Variants in NBPF3 observed in about 807,000 individuals in gnomAD.
The protein encoded by NBPF3 is NBPF member 3, also known as NBPF family member NBPF3.
NBPF3 carries 57 observed loss-of-function variants against 78.1 expected under a neutral mutation model. That is an observed-to-expected ratio of 0.73 (90% confidence interval 0.59 to 0.91). The LOEUF (loss-of-function observed/expected upper bound fraction) is 0.91, where lower values mean the gene tolerates loss of function less well. Among genes scored for constraint, NBPF3 ranks in the 40% least tolerant of loss-of-function variants. The pLI is 0.00. For missense variants in NBPF3, 510 were observed against 715.3 expected (o/e 0.71, Z 3.27); for synonymous variants, 182 against 271.7 (o/e 0.67, Z 3.25).
At chr1:21,480,554 A>T (rs1643158837) in intron 11 of NBPF3, among the ~76,000 whole-genome samples, 1 of 151,636 alleles carries the variant, frequency 6.6e-6, no homozygotes, top group Non-Finnish European at 1.5e-5. Context: ...TTCAAATTTC[A>T]GTGTCTTGCA....
chr1:21,442,586 T>C (rs1300246049), intron 1 of NBPF3, among the ~76,000 whole-genome samples: 3 of 152,194 alleles, frequency 2.0e-5, no homozygotes, highest in Non-Finnish European at 2.9e-5. Context: ...TTTCATGTCA[T>C]CTTTAAGAAA....
At chr1:21,478,909 A>G (rs2148012150) in intron 9 of NBPF3, among the ~76,000 whole-genome samples, 1 of 152,282 alleles carries the variant, frequency 6.6e-6, no homozygotes, top group East Asian at 1.9e-4. Context: ...TTCTGTGTAG[A>G]ACCAAGTGTC....
In NBPF3 at chr1:21,445,117, C is replaced by T. The variant is rs1219034912; in HGVS notation, c.31C>T (p.Gln11Ter). The change falls in exon 2 of 15, where the codon CAG (glutamine) becomes TAG (stop). Residue 11 changes from glutamine (Q) to a stop codon, truncating the protein, a stop_gained. Coordinates refer to ENST00000318249, the MANE Select transcript of NBPF3 (RefSeq NM_032264.6). LOFTEE classifies it high-confidence loss of function. ...ACTGACTCCCACTGTCCAGGGCTTC[C>T]AGTGGACTCTCCGAGGCCCTGATGT... MPLTPTVQGF[Q>*]WTLRGPDVET... The T allele has an allele frequency of 1.2e-6, 2 of 1,611,862 alleles. No homozygotes were observed.
At chr1:21,479,142 C>G (rs1558507120) in intron 9 of NBPF3, among the ~76,000 whole-genome samples, 1 of 152,252 alleles carries the variant, frequency 6.6e-6, no homozygotes, top group African/African-American at 2.4e-5. Flanking sequence ...CATTCCAAAA[C>G]AGGGGCATTT....
chr1:21,457,432 A>G (rs188117252), intron 2 of NBPF3, among the ~76,000 whole-genome samples: 3 of 151,634 alleles, frequency 2.0e-5, no homozygotes, highest in East Asian at 3.9e-4. Context: ...GTGTGTTTAT[A>G]TATGTCTAAT....
Position 21,476,372 on chromosome 1 carries a change from G to C in NBPF3, c.992+1421G>C, listed in dbSNP as rs1435950485. Reference sequence around the variant, plus strand: ...GATGCACTTTCTTCCTAGCATTGATGGTCTTTACAATTTGGCACGTTTTTG... The same window carrying C: ...GATGCACTTTCTTCCTAGCATTGATCGTCTTTACAATTTGGCACGTTTTTG... On this transcript the variant is annotated intron_variant, in intron 8 of 14. Transcript: ENST00000318249. This position sits in a 1 kb window ranked among gnomAD's most constrained non-coding sequence, Gnocchi z 4.1. Among the ~76,000 whole-genome samples, 1 of 152,170 alleles carries C rather than the reference G, an allele frequency of 6.6e-6. No homozygotes were observed. The highest frequency in any genetic ancestry group is 2.4e-5 in the African/African-American group (1 of 41,428).
Position 21,458,115 on chromosome 1 carries a change from G to A in NBPF3, c.134-10573G>A, listed in dbSNP as rs374279923. On this transcript the variant is annotated intron_variant, in intron 2 of 14. Coordinates refer to ENST00000318249, the MANE Select transcript of NBPF3 (RefSeq NM_032264.6). ...AATTCACTTAATCTAAATGGGTCTA[G>A]GTGCTGGGCACCCTTATCTTGTCTC... is the stretch of plus-strand genomic sequence containing the variant. Among the ~76,000 whole-genome samples the A allele has an allele frequency of 3.5e-4, 54 of 152,336 alleles. 1 individual carries two copies. The South Asian group carries it at 0.01, about 29-fold the overall frequency.
intron 1 of NBPF3, among the ~76,000 whole-genome samples, chr1:21,442,805 G>T (rs111366682): frequency 4.6e-5 from 7 of 152,162 alleles, no homozygotes; most frequent in Middle Eastern, 3.4e-3. Flanking sequence ...GCGACTATAG[G>T]CATGTGCCAC....
intron 1 of NBPF3, among the ~76,000 whole-genome samples, chr1:21,440,618 A>G (rs1393635552): frequency 6.6e-6 from 1 of 152,072 alleles, no homozygotes; most frequent in African/African-American, 2.4e-5. Flanking sequence ...GGAGGGACGG[A>G]GCAGCTTCGG....
At chr1:21,477,367 G>C (rs1230788670) in intron 8 of NBPF3, among the ~76,000 whole-genome samples, 1 of 152,210 alleles carries the variant, frequency 6.6e-6, no homozygotes, top group Admixed American at 6.5e-5. Flanking sequence ...CTGGTTTTTA[G>C]AATTTTCAGC....
chr1:21,457,199 T>C (rs1314722395), intron 2 of NBPF3, among the ~76,000 whole-genome samples: 1 of 151,968 alleles, frequency 6.6e-6, no homozygotes, highest in African/African-American at 2.4e-5. Context: ...TATGTATGTG[T>C]GTGGGTGGGT....
intron 2 of NBPF3, among the ~76,000 whole-genome samples, chr1:21,462,485 CAAAAATT>C (rs1642007442): frequency 6.6e-6 from 1 of 151,890 alleles, no homozygotes; most frequent in African/African-American, 2.4e-5. Context: ...AACAAACACT[CAAAAATT>C]GAAAATTGAT....
At chr1:21,450,603 C>A (rs911450961) in intron 2 of NBPF3, among the ~76,000 whole-genome samples, 2 of 152,154 alleles carry the variant, frequency 1.3e-5, no homozygotes, top group African/African-American at 4.8e-5. Context: ...CACTCACATT[C>A]CCCCAACTGC....
At chr1:21,449,458 C>CTTCATTTA (rs1641174038) in intron 2 of NBPF3, among the ~76,000 whole-genome samples, 1 of 150,422 alleles carries the variant, frequency 6.6e-6, no homozygotes. Flanking sequence ...AACGAACCAT[C>CTTCATTTA]TTTATTTATT....
At chr1:21,437,972 C>G (rs2147875022), upstream of NBPF3, among the ~76,000 whole-genome samples, 1 of 152,076 alleles carries the variant, frequency 6.6e-6, no homozygotes, top group East Asian at 1.9e-4. Context: ...CAGGCATGCA[C>G]CAACACCCCC....
chr1:21,483,096 T>G (rs753911242), intron 14 of NBPF3, 47 bp from the exon 15 acceptor site: 6 of 1,611,182 alleles, frequency 3.7e-6, no homozygotes, highest in Non-Finnish European at 4.2e-6. Context: ...GGCTCTGTGG[T>G]GTCTGATTTT....
Position 21,483,133 on chromosome 1 carries a change from C to G in NBPF3, c.1659-10C>G. The stretch of plus-strand genomic sequence containing the variant: ...CCTGGCTGCTTCTTTAGTTTTGTCT[C>G]CTTTTCCAGGCTCAACGAGGTGCTG... On this transcript the variant is annotated splice_polypyrimidine_tract_variant and intron_variant, in intron 14 of 14. Transcript: ENST00000318249. 1 of 1,612,244 alleles carries G rather than the reference C, an allele frequency of 6.2e-7. No homozygotes were observed. The highest frequency in any genetic ancestry group is 1.3e-5 in the African/African-American group (1 of 74,698).
chr1:21,466,389 T>C (rs1642265542), intron 2 of NBPF3, among the ~76,000 whole-genome samples: 1 of 152,298 alleles, frequency 6.6e-6, no homozygotes, highest in African/African-American at 2.4e-5. Flanking sequence ...ACTGCTCATA[T>C]TTATTCTTTC....
In NBPF3 at chr1:21,466,933, A is replaced by C. The variant is rs1307866482; in HGVS notation, c.134-1755A>C. 3 of 948,698 alleles carry C rather than the reference A, an allele frequency of 3.2e-6. No homozygotes were observed. In the African/African-American group the frequency reaches 5.3e-5, roughly 17 times the overall value. The allele number at this position is 948,698 out of a possible 1,614,324, so 58.8% of individuals were successfully genotyped here. A position where few individuals can be genotyped will look rare whatever the true frequency, so the allele number is the denominator to read the frequency against. ...CTGGTAAATAATTATGTGAATATTT[A>C]CTGAATTATATGGATCCTATGAATA... On this transcript the variant is annotated intron_variant, in intron 2 of 14. Coordinates refer to ENST00000318249, the MANE Select transcript of NBPF3 (RefSeq NM_032264.6).
Sources: gnomAD v4.1 joint callset for allele counts (sites outside exome capture counted in the v4.1 genomes callset) on GRCh38, gnomAD v4.1.1 for gene constraint, Gnocchi (gnomAD v3.1) non-coding constraint, MANE v1.5 for transcripts, NCBI Gene and HGNC (gene_info 2026-07-23, HGNC 2026-07-21) for gene names.